The following FGGY variants were observed in gnomAD, a reference collection of about 807,000 sequenced individuals.
FGGY encodes the protein FGGY carbohydrate kinase domain containing, also known as FGGY carbohydrate kinase domain-containing protein.
In FGGY, 72 loss-of-function variants were observed where a neutral mutation model predicts 71.3. The observed-to-expected ratio is 1.01, with a 90% CI of 0.84 to 1.23. The LOEUF (loss-of-function observed/expected upper bound fraction) is 1.23, where lower values mean the gene tolerates loss of function less well. Ranked by LOEUF, FGGY falls within the 50% of genes most tolerant of loss-of-function variation. FGGY has a pLI of 0.00. For synonymous variants in FGGY, 251 were observed against 250.3 expected, an observed-to-expected ratio of 1.00 and a Z score of -0.02; for missense variants, 668 against 682.3, an observed-to-expected ratio of 0.98 and a Z score of 0.23.
At chr1:59,664,441 C>T (rs1412962989) in intron 12 of FGGY, among the ~76,000 whole-genome samples, 7 of 152,214 alleles carry the variant, frequency 4.6e-5, no homozygotes, top group Admixed American at 2.6e-4. Context: ...GCCTCTCATT[C>T]GGATCATTTC....
Position 59,735,208 on chromosome 1 carries a change from C to T in FGGY, c.1513-22723C>T, listed in dbSNP as rs77791413. On this transcript the variant is annotated intron_variant, in intron 14 of 15. Coordinates refer to ENST00000303721, the MANE Select transcript of FGGY (RefSeq NM_018291.5). ...TCTCCCCCTCTCCAACCCCACCCCA[C>T]TGACTGCACACATGTCTTGGCCCCC... 1.9e-4 allele frequency among the ~76,000 whole-genome samples: 29 copies of T among 152,298 alleles called. No individual in the cohort carries two copies. In the East Asian group the frequency reaches 3.1e-3, roughly 16 times the overall value.
At chr1:59,524,314 A>G (rs1320148877) in intron 7 of FGGY, among the ~76,000 whole-genome samples, 1 of 152,214 alleles carries the variant, frequency 6.6e-6, no homozygotes, top group Admixed American at 6.5e-5. Context: ...CAGGTGCCTC[A>G]GTAGGAACAG....
rs370792027 is a variant in FGGY at position 59,381,667 on chromosome 1, GTGTA to G, written c.554+2832_554+2835del. ...TGTGTGTGTGTGTGTGTGTGTGTGT[GTGTA>G]TATTTTGGCCTCTAATATTAACTAG... On this transcript the variant is annotated intron_variant, in intron 5 of 15. Transcript: ENST00000303721. Among the ~76,000 whole-genome samples, 42 of 136,928 alleles carry G rather than the reference GTGTA, an allele frequency of 3.1e-4. No individual in the cohort carries two copies. In the South Asian group the frequency reaches 4.9e-3, roughly 16 times the overall value. 89.8% of individuals were successfully genotyped at this position (136,928 alleles called of 152,430 possible). A position where few individuals can be genotyped will look rare whatever the true frequency, so the allele number is the denominator to read the frequency against.
At chr1:59,449,936 C>T (rs1164079534) in intron 5 of FGGY, among the ~76,000 whole-genome samples, 4 of 152,214 alleles carry the variant, frequency 2.6e-5, no homozygotes, top group African/African-American at 9.7e-5. Flanking sequence ...TGCCACTGCA[C>T]TCCAGCCTGT....
At chr1:59,675,800 G>A (rs527933155) in intron 14 of FGGY, among the ~76,000 whole-genome samples, 1 of 152,306 alleles carries the variant, frequency 6.6e-6, no homozygotes, top group South Asian at 2.1e-4. Context: ...ACCCTGTGTT[G>A]TGAACTGAAT....
At chr1:59,554,969 A>G (rs1349445545) in intron 8 of FGGY, among the ~76,000 whole-genome samples, 2 of 152,180 alleles carry the variant, frequency 1.3e-5, no homozygotes, top group Admixed American at 1.3e-4. Context: ...AGATGAGCAG[A>G]GATTAGAGCG....
chr1:59,757,802 G>GA (rs920896661), intron 14 of FGGY, 129 bp from the exon 15 acceptor site: 117 of 598,402 alleles, frequency 2.0e-4, no homozygotes, highest in Non-Finnish European at 2.5e-4. Context: ...AAAGTAAGTT[G>GA]AAAAAAAAGA....
intron 11 of FGGY, among the ~76,000 whole-genome samples, chr1:59,649,916 A>G (rs1391103369): frequency 1.4e-5 from 2 of 143,714 alleles, no homozygotes; most frequent in Non-Finnish European, 3.0e-5. Flanking sequence ...TTATTTTGAA[A>G]TACGTCCCAT....
At chr1:59,407,024 T>C (rs612289) in intron 5 of FGGY, among the ~76,000 whole-genome samples, 6,032 of 152,252 alleles carry the variant, frequency 0.04, 357 homozygotes, top group African/African-American at 0.14. Flanking sequence ...TGACAATTTG[T>C]CATCAGTGGG....
chr1:59,561,245 G>A lies in FGGY; in HGVS notation c.903+7018G>A, dbSNP rs184991602. 1.8e-4 allele frequency among the ~76,000 whole-genome samples: 27 copies of A among 152,310 alleles called. No homozygotes were observed. The East Asian group carries it at 5.0e-3, about 28-fold the overall frequency. On this transcript the variant is annotated intron_variant, in intron 8 of 15. Transcript: ENST00000303721. Reference sequence around the variant, plus strand: ...TGTTACACCTAACAATGAAAGTGCTGAGGTGCTGCTCAGAAGGTGCCTCGC... The same window carrying A: ...TGTTACACCTAACAATGAAAGTGCTAAGGTGCTGCTCAGAAGGTGCCTCGC...
Position 59,370,374 on chromosome 1 carries a change from C to T in FGGY, c.466-8375C>T, listed in dbSNP as rs569367523. 8.8e-3 allele frequency among the ~76,000 whole-genome samples: 1,333 copies of T among 152,094 alleles called. 22 individuals carry two copies. The highest frequency in any genetic ancestry group is 0.031 in the African/African-American group (1,280 of 41,414). Reference sequence around the variant, plus strand: ...TTAGAGAAAAAAGAATAAAAAGAAACAAACAAAGCCTCCAAGAAATATGGG... The same window carrying T: ...TTAGAGAAAAAAGAATAAAAAGAAATAAACAAAGCCTCCAAGAAATATGGG... On this transcript the variant is annotated intron_variant, in intron 4 of 15. Coordinates refer to ENST00000303721, the MANE Select transcript of FGGY (RefSeq NM_018291.5).
intron 5 of FGGY, among the ~76,000 whole-genome samples, chr1:59,401,405 G>C (rs536897329): frequency 3.9e-4 from 60 of 152,278 alleles, no homozygotes; most frequent in African/African-American, 1.4e-3. Context: ...TGATATGATG[G>C]AGACCCTTGC....
At chr1:59,703,978 G>A (rs1224259798) in intron 14 of FGGY, among the ~76,000 whole-genome samples, 3 of 152,158 alleles carry the variant, frequency 2.0e-5, no homozygotes, top group Non-Finnish European at 2.9e-5. Context: ...TTGTATTGGA[G>A]TGTGATTGTG....
intron 7 of FGGY, among the ~76,000 whole-genome samples, chr1:59,545,750 C>A (rs1398786269): frequency 1.3e-5 from 2 of 152,170 alleles, no homozygotes; most frequent in East Asian, 3.8e-4. Flanking sequence ...GAATTGGTTT[C>A]TGATTGCTCT....
intron 3 of FGGY, among the ~76,000 whole-genome samples, chr1:59,345,068 T>A (rs923444480): frequency 6.6e-6 from 1 of 152,136 alleles, no homozygotes; most frequent in Non-Finnish European, 1.5e-5. Context: ...CTTTCAAGAG[T>A]CTGTCATTGA....
intron 7 of FGGY, among the ~76,000 whole-genome samples, chr1:59,522,312 G>A (rs915692874): frequency 1.3e-5 from 2 of 152,310 alleles, no homozygotes; most frequent in Admixed American, 6.5e-5. Flanking sequence ...CTTTACTTAC[G>A]TTAGCCCATA....
At chr1:59,586,152 A>G (rs934716136) in intron 8 of FGGY, among the ~76,000 whole-genome samples, 1 of 152,242 alleles carries the variant, frequency 6.6e-6, no homozygotes, top group Non-Finnish European at 1.5e-5. Flanking sequence ...CAGCCATCCC[A>G]TCACTGGGTA....
chr1:59,407,990 T>G (rs2063018992), intron 5 of FGGY, among the ~76,000 whole-genome samples: 1 of 152,242 alleles, frequency 6.6e-6, no homozygotes, highest in South Asian at 2.1e-4. Flanking sequence ...TACTTTGCTG[T>G]GGTATTTTGT....
intron 7 of FGGY, among the ~76,000 whole-genome samples, chr1:59,548,116 G>A (rs2095554804): frequency 6.6e-6 from 1 of 152,188 alleles, no homozygotes; most frequent in South Asian, 2.1e-4. Context: ...CTGGTCTGGG[G>A]TGTTTTGGGG....
Sources: allele counts gnomAD v4.1 joint callset (sites outside exome capture counted in the v4.1 genomes callset), GRCh38; gene constraint gnomAD v4.1.1; transcripts MANE v1.5; gene names NCBI Gene and HGNC (gene_info 2026-07-23, HGNC 2026-07-21).